SPATA17: variants seen among roughly 807,000 people sequenced by gnomAD.
The protein encoded by SPATA17 is spermatogenesis associated 17, also known as spermatogenesis-associated protein 17.
A neutral mutation model predicts 62.2 loss-of-function variants in SPATA17; 53 were observed. The observed-to-expected ratio is 0.85, with a 90% confidence interval of 0.68 to 1.07. The LOEUF (loss-of-function observed/expected upper bound fraction) is 1.07. SPATA17 is among the 50% of genes least tolerant of loss of function. SPATA17 has a pLI of 0.00. For synonymous variants in SPATA17, 146 were observed against 146.8 expected (o/e 0.99, Z 0.04); for missense variants, 466 against 425.5 (o/e 1.10, Z -0.84).
At chr1:217,777,499 T>C (rs536652150) in intron 7 of SPATA17, among the ~76,000 whole-genome samples, 4 of 152,212 alleles carry the variant, frequency 2.6e-5, no homozygotes, top group African/African-American at 9.6e-5. Flanking sequence ...CCTCCCTGGT[T>C]CAAGCGATTC....
intron 4 of SPATA17, among the ~76,000 whole-genome samples, chr1:217,682,397 G>T (rs1216442705): frequency 6.7e-6 from 1 of 149,826 alleles, no homozygotes; most frequent in Non-Finnish European, 1.5e-5. Context: ...TTGATGATAT[G>T]TTCTAGTAAA....
chr1:217,763,030 G>T (rs1673210846), intron 6 of SPATA17, among the ~76,000 whole-genome samples: 1 of 152,178 alleles, frequency 6.6e-6, no homozygotes, highest in East Asian at 1.9e-4. Context: ...ATGCTTCAAA[G>T]ATTCTGAATG....
intron 5 of SPATA17, among the ~76,000 whole-genome samples, chr1:217,727,590 G>A (rs1262823902): frequency 1.3e-5 from 2 of 151,958 alleles, no homozygotes; most frequent in Non-Finnish European, 2.9e-5. Context: ...TAAATTTGGA[G>A]GAATATTTGA....
intron 9 of SPATA17, among the ~76,000 whole-genome samples, chr1:217,832,272 A>G (rs953786097): frequency 3.3e-5 from 5 of 152,136 alleles, no homozygotes; most frequent in Admixed American, 3.3e-4. Flanking sequence ...AGTGTTCCCT[A>G]AAATTCAAAG....
At chr1:217,836,226 A>T (rs1675255957) in intron 9 of SPATA17, among the ~76,000 whole-genome samples, 2 of 152,128 alleles carry the variant, frequency 1.3e-5, no homozygotes, top group Non-Finnish European at 2.9e-5. Context: ...GGCATGTGAA[A>T]CTTTTTTCAC....
intron 9 of SPATA17, among the ~76,000 whole-genome samples, chr1:217,807,775 A>G (rs1674473765): frequency 6.6e-6 from 1 of 152,206 alleles, no homozygotes; most frequent in Non-Finnish European, 1.5e-5. Flanking sequence ...TTAAATAAAA[A>G]TGTCTGAATT....
chr1:217,723,342 C>T (rs550280737), intron 5 of SPATA17, among the ~76,000 whole-genome samples: 66 of 152,008 alleles, frequency 4.3e-4, no homozygotes, highest in Non-Finnish European at 8.2e-4. Flanking sequence ...AGTTTCTTTC[C>T]CAAAGTCGGG....
intron 6 of SPATA17, among the ~76,000 whole-genome samples, chr1:217,765,956 C>T (rs748284931): frequency 1.3e-5 from 2 of 151,908 alleles, no homozygotes; most frequent in Non-Finnish European, 2.9e-5. Flanking sequence ...GTCTGCTGTA[C>T]CTGAAATTAA....
chr1:217,815,852 G>A (rs1030006828), intron 9 of SPATA17, among the ~76,000 whole-genome samples: 6 of 152,130 alleles, frequency 3.9e-5, no homozygotes, highest in East Asian at 1.9e-4. Flanking sequence ...CCAAAATTGC[G>A]TAAGCCAGTT....
intron 3 of SPATA17, among the ~76,000 whole-genome samples, chr1:217,656,121 T>C (rs1390136553): frequency 2.0e-5 from 3 of 152,014 alleles, no homozygotes; most frequent in Non-Finnish European, 2.9e-5. Flanking sequence ...TGACCTCAGA[T>C]GATCCACCCG....
chr1:217,843,699 C>T (rs188351687), intron 9 of SPATA17, among the ~76,000 whole-genome samples: 150 of 152,034 alleles, frequency 9.9e-4, no homozygotes, highest in African/African-American at 3.3e-3. Flanking sequence ...TGCATTGTAG[C>T]GCAAAAGCAG....
At chr1:217,657,095 A>G (rs1390643134) in intron 3 of SPATA17, among the ~76,000 whole-genome samples, 1 of 152,078 alleles carries the variant, frequency 6.6e-6, no homozygotes, top group Non-Finnish European at 1.5e-5. Context: ...TTCCAAATTA[A>G]TCCTTAGAGG....
chr1:217,825,064 GAATACATA>G lies in SPATA17; in HGVS notation c.1005+23215_1005+23222del, dbSNP rs1674958844. ...CATATACAAATGTATTTATTTATAT[GAATACATA>G]TATTCATATAAATACAAATACATTA... On this transcript the variant is annotated intron_variant, in intron 9 of 10. Transcript: ENST00000366933. Among the ~76,000 whole-genome samples, 35 of 149,238 alleles carry G rather than the reference GAATACATA, an allele frequency of 2.3e-4. No individual in the cohort carries two copies. In the Admixed American group the frequency reaches 2.3e-3, roughly 10 times the overall value.
intron 9 of SPATA17, among the ~76,000 whole-genome samples, chr1:217,842,907 G>A (rs1319966976): frequency 2.6e-5 from 4 of 151,266 alleles, no homozygotes; most frequent in African/African-American, 9.7e-5. Context: ...CAGAACATGT[G>A]CTTAGTGACA....
chr1:217,812,992 T>C (rs904493931), intron 9 of SPATA17, among the ~76,000 whole-genome samples: 1 of 152,178 alleles, frequency 6.6e-6, no homozygotes, highest in Non-Finnish European at 1.5e-5. Context: ...AGTAGAGAAG[T>C]CCTTTGTTGT....
At chr1:217,786,715 T>C (rs1245661414) in intron 8 of SPATA17, among the ~76,000 whole-genome samples, 3 of 151,762 alleles carry the variant, frequency 2.0e-5, no homozygotes, top group African/African-American at 7.3e-5. Flanking sequence ...TGGTAATAGG[T>C]TAGAACTAAA....
At chr1:217,767,952 T>G (rs945415478) in intron 6 of SPATA17, among the ~76,000 whole-genome samples, 16 of 152,134 alleles carry the variant, frequency 1.1e-4, no homozygotes, top group Non-Finnish European at 2.1e-4. Flanking sequence ...ATTTACCTTT[T>G]AAAGGAAATG....
chr1:217,716,872 T>C (rs1460503684), intron 5 of SPATA17, among the ~76,000 whole-genome samples: 3 of 152,230 alleles, frequency 2.0e-5, no homozygotes, highest in African/African-American at 7.2e-5. Context: ...GTTTTATATG[T>C]TATCTCGTCT....
chr1:217,835,290 A>G (rs180741720), intron 9 of SPATA17, among the ~76,000 whole-genome samples: 1 of 152,264 alleles, frequency 6.6e-6, no homozygotes, highest in African/African-American at 2.4e-5. Flanking sequence ...TGTAGTCTGT[A>G]ACAGCTGAAA....
Sources: gnomAD v4.1 joint callset for allele counts (sites outside exome capture counted in the v4.1 genomes callset) on GRCh38, gnomAD v4.1.1 for gene constraint, MANE v1.5 for transcripts, NCBI Gene and HGNC (gene_info 2026-07-23, HGNC 2026-07-21) for gene names.